The following GABRR1 variants were observed in gnomAD, a reference collection of about 807,000 sequenced individuals.
GABRR1 encodes gamma-aminobutyric acid type A receptor subunit rho1, also known as gamma-aminobutyric acid receptor subunit rho-1.
A neutral mutation model predicts 55.5 loss-of-function variants in GABRR1; 59 were observed. The ratio of observed to expected loss-of-function variants is 1.06; its 90% CI spans 0.86 to 1.32. The LOEUF is 1.32. Ranked by LOEUF, GABRR1 falls within the 40% of genes most tolerant of loss-of-function variation. GABRR1 has a pLI of 0.00. For synonymous variants in GABRR1, 213 were observed against 226.0 expected (o/e 0.94, Z 0.51); for missense variants, 602 against 619.1 (o/e 0.97, Z 0.29).
At chr6:89,196,301 C>T (rs416716) in intron 5 of GABRR1, among the ~76,000 whole-genome samples, 88,973 of 152,036 alleles carry the variant, frequency 0.59, 26,551 homozygotes, top group East Asian at 0.93. Flanking sequence ...GTGATGTTTA[C>T]AACAAACTTA....
chr6:89,226,680 G>C (rs1197265916), intron 1 of GABRR1, among the ~76,000 whole-genome samples: 3 of 98,066 alleles, frequency 3.1e-5, no homozygotes, highest in Non-Finnish European at 6.4e-5. Flanking sequence ...TTGTAGTATA[G>C]TTTGAAGTCA....
At chr6:89,190,998 G>A (rs576368409) in intron 5 of GABRR1, among the ~76,000 whole-genome samples, 34 of 152,354 alleles carry the variant, frequency 2.2e-4, no homozygotes, top group Non-Finnish European at 4.3e-4. Flanking sequence ...TTGTTCGCTC[G>A]TGCTGAATGG....
rs982375545 is a variant in GABRR1, at chr6:89,181,388, G to A, written c.949+517C>T. Among the ~76,000 whole-genome samples, 8 of 152,194 alleles carry A rather than the reference G, an allele frequency of 5.3e-5. No homozygotes were observed. The East Asian group carries it at 5.8e-4, about 11-fold the overall frequency. On this transcript the variant is annotated intron_variant, in intron 8 of 9. Transcript: ENST00000454853. The stretch of plus-strand genomic sequence containing the variant: ...GAGCTGACAGCAAATAGCCATAAGC[G>A]GAATGCTTATAGAAAAGGGATTCTC...
intron 1 of GABRR1, among the ~76,000 whole-genome samples, chr6:89,216,893 T>C (rs927694980): frequency 6.6e-6 from 1 of 152,184 alleles, no homozygotes; most frequent in East Asian, 1.9e-4. Flanking sequence ...CAGCAAACAA[T>C]TGCCCTTGAT....
intron 1 of GABRR1, among the ~76,000 whole-genome samples, chr6:89,228,733 T>C (rs879444328): frequency 0.035 from 5,191 of 147,668 alleles, 120 homozygotes; most frequent in African/African-American, 0.064. Flanking sequence ...GAAAAAAATG[T>C]ATATTCTGTT....
chr6:89,180,828 A>G (rs1771694752), intron 8 of GABRR1, among the ~76,000 whole-genome samples: 1 of 152,174 alleles, frequency 6.6e-6, no homozygotes, highest in Admixed American at 6.5e-5. Context: ...TGCATATATG[A>G]GCAGGTATAT....
intron 2 of GABRR1, among the ~76,000 whole-genome samples, chr6:89,203,112 C>T (rs1458362690): frequency 6.6e-6 from 1 of 152,186 alleles, no homozygotes; most frequent in African/African-American, 2.4e-5. Flanking sequence ...GAGGAATTAC[C>T]GTGCTGGCAG....
intron 1 of GABRR1, among the ~76,000 whole-genome samples, chr6:89,229,833 T>C (rs1398235340): frequency 2.9e-4 from 37 of 126,414 alleles, no homozygotes; most frequent in Non-Finnish European, 4.2e-4. Flanking sequence ...GGGGAAGTTC[T>C]CCTGGATAAT....
At chr6:89,210,906 T>C (rs1195037488) in intron 1 of GABRR1, among the ~76,000 whole-genome samples, 2 of 127,556 alleles carry the variant, frequency 1.6e-5, no homozygotes, top group East Asian at 2.1e-4. Context: ...GCCACCTAAT[T>C]GAGACTTGAG....
intron 2 of GABRR1, among the ~76,000 whole-genome samples, chr6:89,203,215 C>T (rs1389146594): frequency 6.6e-6 from 1 of 152,182 alleles, no homozygotes; most frequent in African/African-American, 2.4e-5. Context: ...GGAACACCAG[C>T]TCCCATTGCC....
intron 1 of GABRR1, chr6:89,204,785 C>T (rs1436099895): frequency 7.6e-6 from 4 of 524,444 alleles, no homozygotes; most frequent in African/African-American, 6.2e-5. Flanking sequence ...TTTACATGCC[C>T]ATGTAAAAAA....
intron 2 of GABRR1, among the ~76,000 whole-genome samples, chr6:89,202,020 CT>C (rs1198852445): frequency 6.6e-6 from 1 of 152,104 alleles, no homozygotes; most frequent in African/African-American, 2.4e-5. Flanking sequence ...GCCTGGTCCC[CT>C]GATCTCTGTT....
In GABRR1 at chr6:89,223,710, CTTTT is replaced by C. The variant is rs200773450; in HGVS notation, c.-410-2268_-410-2265del. ...CTTTTCACTGCATCCACACCAATAT[CTTTT>C]TTTTTTTTTTTAATGGCCATTCTTG... is the stretch of plus-strand genomic sequence containing the variant. On this transcript the variant is annotated intron_variant, in intron 1 of 11. Transcript: ENST00000369451. 4.3e-4 allele frequency among the ~76,000 whole-genome samples: 59 copies of C among 136,128 alleles called. 1 individual carries two copies. Among genetic ancestry groups the C allele is most frequent in the African/African-American group, 5.9e-4 (22 of 37,150 alleles). The allele number at this position is 136,128 out of a possible 152,430, so 89.3% of individuals were successfully genotyped here. A position where few individuals can be genotyped will look rare whatever the true frequency, so the allele number is the denominator to read the frequency against.
intron 1 of GABRR1, among the ~76,000 whole-genome samples, chr6:89,206,381 G>A (rs11758041): frequency 0.41 from 62,958 of 151,930 alleles, 13,662 homozygotes; most frequent in Middle Eastern, 0.53. Flanking sequence ...TTACATCTCT[G>A]TGCTTTGCTC....
chr6:89,218,679 GC>G (rs1271329808), upstream of GABRR1, among the ~76,000 whole-genome samples: 1 of 152,170 alleles, frequency 6.6e-6, no homozygotes. Flanking sequence ...TGCCTTGAAT[GC>G]CCTATTTGAG....
intron 2 of GABRR1, 95 bp from the exon 3 acceptor site, chr6:89,201,360 G>C (rs750850020): frequency 6.4e-6 from 5 of 781,446 alleles, no homozygotes; most frequent in Non-Finnish European, 8.8e-6. Context: ...AGGTGTGATG[G>C]GGTGTGCTAT....
chr6:89,216,295 T>C (rs1772979695), intron 1 of GABRR1, among the ~76,000 whole-genome samples: 1 of 152,206 alleles, frequency 6.6e-6, no homozygotes, highest in Admixed American at 6.5e-5. Context: ...AAGCTAGATA[T>C]CTTTTCATAT....
intron 3 of GABRR1, among the ~76,000 whole-genome samples, chr6:89,200,848 G>A (rs983031759): frequency 2.6e-5 from 4 of 152,268 alleles, no homozygotes; most frequent in Non-Finnish European, 1.5e-5. Flanking sequence ...TTAGGAGGCC[G>A]CATTGGGCTG....
chr6:89,188,398 G>A (rs1259957688), intron 6 of GABRR1, among the ~76,000 whole-genome samples: 1 of 152,100 alleles, frequency 6.6e-6, no homozygotes, highest in Admixed American at 6.6e-5. Context: ...AAAGGATAAG[G>A]GTTCTAATTT....
Sources: allele counts gnomAD v4.1 joint callset (sites outside exome capture counted in the v4.1 genomes callset), GRCh38; gene constraint gnomAD v4.1.1; transcripts MANE v1.5; gene names NCBI Gene and HGNC (gene_info 2026-07-23, HGNC 2026-07-21).